The following CATSPERT variants were observed in gnomAD, a reference collection of about 807,000 sequenced individuals.
CATSPERT encodes the protein catsper channel auxiliary subunit tau.
chr2:201,495,380 A>G, the CATSPERT span, among the ~76,000 whole-genome samples: 1 of 152,126 alleles, frequency 6.6e-6, no homozygotes, highest in East Asian at 1.9e-4. Flanking sequence ...ATGAGGGAGA[A>G]CCATATAGAA....
At chr2:201,569,830 C>T in the CATSPERT span, among the ~76,000 whole-genome samples, 4 of 152,196 alleles carry the variant, frequency 2.6e-5, no homozygotes, top group South Asian at 6.2e-4. Context: ...TTCAGTCATT[C>T]AAGTAAACAA....
At chr2:201,574,204 C>A in the CATSPERT span, 1 of 1,596,780 alleles carries the variant, frequency 6.3e-7, no homozygotes, top group Non-Finnish European at 8.5e-7. Context: ...AAGAGGGGAA[C>A]TAACCTGATG....
Sources: allele counts gnomAD v4.1 joint callset (sites outside exome capture counted in the v4.1 genomes callset), GRCh38; gene constraint gnomAD v4.1.1; transcripts MANE v1.5; gene names NCBI Gene and HGNC (gene_info 2026-07-23, HGNC 2026-07-21).